ACER3: variants seen among roughly 807,000 people sequenced by gnomAD.
ACER3 encodes the protein alkCDase 3.
A neutral mutation model predicts 48.9 loss-of-function variants in ACER3; 16 were observed. The ratio of observed to expected loss-of-function variants is 0.33; its 90% CI spans 0.22 to 0.50. The LOEUF (loss-of-function observed/expected upper bound fraction) is 0.50, where lower values mean the gene tolerates loss of function less well. ACER3 is among the 20% of genes least tolerant of loss of function. The pLI is 0.98. For missense variants in ACER3, 227 were observed against 326.0 expected (o/e 0.70, Z 2.34); for synonymous variants, 109 against 107.8 (o/e 1.01, Z -0.07).
chr11:76,876,953 T>A (rs1397668414), intron 1 of ACER3, among the ~76,000 whole-genome samples: 1 of 152,220 alleles, frequency 6.6e-6, no homozygotes, highest in Non-Finnish European at 1.5e-5. Context: ...AATAAATAAC[T>A]GAAAACTGTG....
intron 3 of ACER3, among the ~76,000 whole-genome samples, chr11:76,971,445 C>T (rs888932248): frequency 1.3e-5 from 2 of 151,898 alleles, no homozygotes; most frequent in Non-Finnish European, 2.9e-5. Context: ...GAGGCTGAGG[C>T]AGGAGAATCA....
In ACER3 at chr11:76,990,695, A is replaced by G. The variant is rs992269283; in HGVS notation, c.438+121A>G. 5 of 658,054 alleles carry G rather than the reference A, an allele frequency of 7.6e-6. No homozygotes were observed. In the Admixed American group the frequency reaches 1.0e-4, roughly 14 times the overall value. The allele number at this position is 658,054 out of a possible 1,614,324, so 40.8% of individuals were successfully genotyped here. The stretch of plus-strand genomic sequence containing the variant: ...TTTTAATGAAATGGTAGATGTTCTA[A>G]GGAAGTTCAGTGTTTAAAAGGGAGG... On this transcript the variant is annotated intron_variant, in intron 6 of 10. Coordinates refer to ENST00000532485, the MANE Select transcript of ACER3 (RefSeq NM_018367.7).
At chr11:76,873,091 T>G (rs1945286852) in intron 1 of ACER3, among the ~76,000 whole-genome samples, 1 of 151,834 alleles carries the variant, frequency 6.6e-6, no homozygotes, top group African/African-American at 2.4e-5. Flanking sequence ...TTTTATTTTA[T>G]TTTTTGTAGA....
rs539325142 is a variant in ACER3 at position 76,945,394 on chromosome 11, G to T, written c.215-13585G>T. On this transcript the variant is annotated intron_variant, in intron 2 of 10. Coordinates refer to ENST00000532485, the MANE Select transcript of ACER3 (RefSeq NM_018367.7). ...AATTTTTTCCTGAAGATAGATATATGTTGTTGGTTGAATAGGATGCTTTGG... is the reference window on the plus strand; with the variant it reads ...AATTTTTTCCTGAAGATAGATATATTTTGTTGGTTGAATAGGATGCTTTGG... Among the ~76,000 whole-genome samples, 8 of 152,242 alleles carry T rather than the reference G, an allele frequency of 5.3e-5. No individual in the cohort carries two copies. The South Asian group carries it at 1.5e-3, about 28-fold the overall frequency.
intron 7 of ACER3, among the ~76,000 whole-genome samples, chr11:77,007,625 C>T (rs762888535): frequency 5.9e-5 from 9 of 152,248 alleles, no homozygotes; most frequent in Non-Finnish European, 1.2e-4. Flanking sequence ...CAGTAGGTCT[C>T]TGACACTATC....
chr11:76,975,864 T>TC (rs368383263), intron 3 of ACER3, among the ~76,000 whole-genome samples: 61 of 146,648 alleles, frequency 4.2e-4, no homozygotes, highest in African/African-American at 1.3e-3. Context: ...CTGAAACCTT[T>TC]TTTTCTTTTC....
chr11:76,876,617 A>G (rs754288853), intron 1 of ACER3, among the ~76,000 whole-genome samples: 1 of 152,182 alleles, frequency 6.6e-6, no homozygotes, highest in Non-Finnish European at 1.5e-5. Flanking sequence ...GTTTAGTTTT[A>G]TTAGATACTG....
intron 2 of ACER3, among the ~76,000 whole-genome samples, chr11:76,939,366 A>G (rs1947280154): frequency 6.6e-6 from 1 of 152,234 alleles, no homozygotes; most frequent in South Asian, 2.1e-4. Flanking sequence ...CAAGTAATCA[A>G]AGTTAACCGC....
In ACER3 at chr11:76,861,092, T is replaced by A. The variant is rs944383283; in HGVS notation, c.103+13T>A. ...ATCGCCGAGTTCTGTGAGTGTGGCCTGAGGAGGGGAGTGGGGGCGAGAGGG... is the reference window on the plus strand; with the variant it reads ...ATCGCCGAGTTCTGTGAGTGTGGCCAGAGGAGGGGAGTGGGGGCGAGAGGG... On this transcript the variant is annotated intron_variant, in intron 1 of 10. Coordinates refer to ENST00000532485, the MANE Select transcript of ACER3 (RefSeq NM_018367.7). The A allele has an allele frequency of 6.5e-7, 1 of 1,534,216 alleles. No homozygotes were observed. The highest frequency in any genetic ancestry group is 8.8e-7 in the Non-Finnish European group (1 of 1,138,506).
chr11:76,905,232 AT>A lies in ACER3; in HGVS notation c.104-21317del, dbSNP rs761888953. 4.0e-5 allele frequency among the ~76,000 whole-genome samples: 6 copies of A among 151,884 alleles called. No homozygotes were observed. The South Asian group carries it at 8.3e-4, about 21-fold the overall frequency. ...GCCTGAATAAAGTATGATTTAGAAGATTTTTTTTATGTTACAAGCTTACCTT... is the reference window on the plus strand; with the variant it reads ...GCCTGAATAAAGTATGATTTAGAAGATTTTTTTATGTTACAAGCTTACCTT... On this transcript the variant is annotated intron_variant, in intron 1 of 10. Coordinates refer to ENST00000532485, the MANE Select transcript of ACER3 (RefSeq NM_018367.7).
At chr11:76,894,127 A>G (rs1945874123) in intron 1 of ACER3, among the ~76,000 whole-genome samples, 1 of 152,066 alleles carries the variant, frequency 6.6e-6, no homozygotes, top group Admixed American at 6.6e-5. Flanking sequence ...AAAAATTACA[A>G]AATTAGCTGG....
At chr11:76,905,965 G>A (rs1175557843) in intron 1 of ACER3, among the ~76,000 whole-genome samples, 2 of 152,226 alleles carry the variant, frequency 1.3e-5, no homozygotes, top group African/African-American at 4.8e-5. Flanking sequence ...GAATTGGCCA[G>A]ACAGATGGTT....
rs2135168161 is a variant in ACER3, at chr11:76,979,569, C to T, written c.320+3228C>T. On this transcript the variant is annotated intron_variant, in intron 4 of 10. Coordinates refer to ENST00000532485, the MANE Select transcript of ACER3 (RefSeq NM_018367.7). ...TCGAGAGGCTAAGGTGGGAGAATCG[C>T]TTGAACCCAGGAGGCAGAAGCTGCA... is the stretch of plus-strand genomic sequence containing the variant. Among the ~76,000 whole-genome samples the T allele has an allele frequency of 2.6e-5, 4 of 152,244 alleles. 1 individual carries two copies. The highest frequency in any genetic ancestry group is 5.9e-5 in the Non-Finnish European group (4 of 68,020).
chr11:76,985,587 A>C, intron 4 of ACER3, 56 bp from the exon 5 acceptor site: 1 of 1,118,112 alleles, frequency 8.9e-7, no homozygotes, highest in African/African-American at 1.6e-5. Flanking sequence ...GCAGCATTCT[A>C]TTTATGTTCC....
intron 1 of ACER3, among the ~76,000 whole-genome samples, chr11:76,880,361 C>G (rs1945491678): frequency 6.6e-6 from 1 of 152,188 alleles, no homozygotes; most frequent in African/African-American, 2.4e-5. Context: ...ATTTCTGTGA[C>G]CAGATGTGTG....
intron 1 of ACER3, chr11:76,868,391 CTGTGTGTGTGTGTGTGTGTGTGTG>C (rs1166994217): frequency 1.1e-5 from 2 of 174,986 alleles, no homozygotes; most frequent in Non-Finnish European, 2.5e-5. Context: ...CTCTCTCTCT[CTGTGTGTGTGTGTGTGTGTGTGTG>C]TGTGTGTGTG....
chr11:77,017,953 T>C lies in ACER3; in HGVS notation c.704+1174T>C, dbSNP rs931304512. On this transcript the variant is annotated intron_variant, in intron 9 of 10. Transcript: ENST00000532485. ...GTGATCAGTGATCTTTTTTTTTTTT[T>C]TTTTTTTTTGGGAGACAGAGTCTCC... Among the ~76,000 whole-genome samples, 370 of 144,082 alleles carry C rather than the reference T, an allele frequency of 2.6e-3. 1 individual carries two copies. Among genetic ancestry groups the C allele is most frequent in the Non-Finnish European group, 4.6e-3 (301 of 65,934 alleles). 94.5% of individuals were successfully genotyped at this position (144,082 alleles called of 152,430 possible). A position where few individuals can be genotyped will look rare whatever the true frequency, so the allele number is the denominator to read the frequency against.
chr11:76,926,455 G>C (rs192416945), intron 1 of ACER3, 102 bp from the exon 2 acceptor site: 2 of 599,684 alleles, frequency 3.3e-6, no homozygotes, highest in East Asian at 6.4e-5. Flanking sequence ...ATGTCTTTCT[G>C]AGAAGTTACT....
intron 7 of ACER3, among the ~76,000 whole-genome samples, chr11:77,001,202 A>G (rs1413215988): frequency 6.6e-6 from 1 of 152,108 alleles, no homozygotes; most frequent in Middle Eastern, 3.2e-3. Context: ...TTATTCTGCC[A>G]CCTTGTTGAA....
Sources: gnomAD v4.1 joint callset for allele counts (sites outside exome capture counted in the v4.1 genomes callset) on GRCh38, gnomAD v4.1.1 for gene constraint, MANE v1.5 for transcripts, NCBI Gene and HGNC (gene_info 2026-07-23, HGNC 2026-07-21) for gene names.